ZFYVE27: variants seen among roughly 807,000 people sequenced by gnomAD.
The protein encoded by ZFYVE27 is protrudin.
A neutral mutation model predicts 52.8 loss-of-function variants in ZFYVE27; 36 were observed. The ratio of observed to expected loss-of-function variants is 0.68; its 90% confidence interval spans 0.52 to 0.90. The LOEUF (loss-of-function observed/expected upper bound fraction) is 0.90. Among genes scored for constraint, ZFYVE27 ranks in the 40% least tolerant of loss-of-function variants. The pLI is 0.00. For missense variants in ZFYVE27, 450 were observed against 527.2 expected (o/e 0.85, Z 1.43); for synonymous variants, 223 against 215.6 (o/e 1.03, Z -0.30).
At chr10:97,742,403 T>TTGG (rs1269858777) in intron 2 of ZFYVE27, among the ~76,000 whole-genome samples, 3 of 152,086 alleles carry the variant, frequency 2.0e-5, no homozygotes, top group East Asian at 1.9e-4. Context: ...GCATTGCCAT[T>TTGG]TGGTGGTGGT....
rs147262783 is a variant in ZFYVE27 at position 97,754,606 on chromosome 10, C to T, written c.1042+1424C>T. 339 of 1,264,894 alleles carry T rather than the reference C, an allele frequency of 2.7e-4. 2 individuals are homozygous for T. In the African/African-American group the frequency reaches 3.0e-3, roughly 11 times the overall value. The allele number at this position is 1,264,894 out of a possible 1,614,324, so 78.4% of individuals were successfully genotyped here. ...TTAGGATTACAAGTGTGAGCCACCA[C>T]GCCCGGCCCCTTTGTTTTATTTATG... On this transcript the variant is annotated intron_variant, in intron 10 of 12. Coordinates refer to ENST00000684270, the MANE Select transcript of ZFYVE27 (RefSeq NM_001385875.1).
rs2045587057 is a variant in ZFYVE27 at position 97,746,878 on chromosome 10, A to G, written c.456-1391A>G. ...TAATTAAAACAATTTTTTTGTAGAG[A>G]TAGGGTCTCATTGTCTTGCCCAGGC... On this transcript the variant is annotated intron_variant, in intron 4 of 12. Coordinates refer to ENST00000684270, the MANE Select transcript of ZFYVE27 (RefSeq NM_001385875.1). Among the ~76,000 whole-genome samples, 5 of 151,818 alleles carry G rather than the reference A, an allele frequency of 3.3e-5. No homozygotes were observed. In the South Asian group the frequency reaches 1.0e-3, roughly 32 times the overall value.
intron 6 of ZFYVE27, chr10:97,750,106 T>C (rs2046533987): frequency 1.7e-6 from 1 of 572,824 alleles, no homozygotes; most frequent in South Asian, 2.0e-5. Context: ...CCATGATTTA[T>C]TGAGCATTTA....
chr10:97,745,174 C>CTT (rs879470822), intron 4 of ZFYVE27, among the ~76,000 whole-genome samples: 1 of 151,258 alleles, frequency 6.6e-6, no homozygotes, highest in African/African-American at 2.4e-5. Flanking sequence ...AGCTTCTGTT[C>CTT]TTTCTTTCTT....
Position 97,743,122 on chromosome 10 carries a change from A to T in ZFYVE27, c.226A>T (p.Thr76Ser), listed in dbSNP as rs768754948. 2 of 1,614,168 alleles carry T rather than the reference A, an allele frequency of 1.2e-6. No homozygotes were observed. The highest frequency in any genetic ancestry group is 2.2e-5 in the South Asian group (2 of 91,080). ...GCAGATGCCTTTGTGTTCCTTGCTG[A>T]CCTGCCTGGGCCTCAACGTCTTGTT... ...RWQMPLCSLL[T>S]CLGLNVLFLT... Residue 76 changes from threonine to serine, a missense_variant, in exon 3 of 13, where the codon ACC becomes TCC. Thr to Ser is a moderately conservative substitution (Grantham distance 58). Coordinates refer to ENST00000684270, the MANE Select transcript of ZFYVE27 (RefSeq NM_001385875.1).
chr10:97,751,243 G>A (rs1395136078), intron 7 of ZFYVE27, 148 bp from the exon 8 acceptor site: 7 of 836,242 alleles, frequency 8.4e-6, no homozygotes, highest in African/African-American at 3.4e-5. Flanking sequence ...GCTAGAGGTT[G>A]CTCCTTCCTG....
At chr10:97,749,632 G>GGGCTAGGCTAGGCTAGGCTA (rs750289029) in intron 6 of ZFYVE27, 46 bp downstream of exon 6, 1 of 1,519,362 alleles carries the variant, frequency 6.6e-7, no homozygotes, top group Non-Finnish European at 9.1e-7. Context: ...CTGGCTCTGA[G>GGGCTAGGCTAGGCTAGGCTA]GGCTAGGCTA....
Position 97,738,904 on chromosome 10 carries a change from C to T in ZFYVE27, c.197+230C>T, listed in dbSNP as rs570666481. ...GATCCTGCCTTTCAGCAAGGTTCTT[C>T]TTTGTGACTGAATAAGCTCCTTCCT... On this transcript the variant is annotated intron_variant, in intron 2 of 12. Transcript: ENST00000684270. 9 of 563,790 alleles carry T rather than the reference C, an allele frequency of 1.6e-5. No individual in the cohort carries two copies. In the African/African-American group the frequency reaches 1.7e-4, roughly 11 times the overall value. The allele number at this position is 563,790 out of a possible 1,614,324, so 34.9% of individuals were successfully genotyped here.
Position 97,751,102 on chromosome 10 carries a change from G to A in ZFYVE27, c.805-289G>A, listed in dbSNP as rs114252537. On this transcript the variant is annotated intron_variant, in intron 7 of 12. Transcript: ENST00000684270. ...GGAAGAGAAGGCTGAGGCACAGAGT[G>A]GCTGGTAAGTGGCAGGGCTGGGTCT... Among the ~76,000 whole-genome samples the A allele has an allele frequency of 6.7e-3, 1,016 of 152,286 alleles. 8 individuals are homozygous for A. The highest frequency in any genetic ancestry group is 0.022 in the African/African-American group (905 of 41,568).
chr10:97,749,123 G>A (rs1310274153), intron 5 of ZFYVE27, among the ~76,000 whole-genome samples: 2 of 152,174 alleles, frequency 1.3e-5, no homozygotes, highest in African/African-American at 4.8e-5. Flanking sequence ...GCTGTGCCCA[G>A]AGAACCAAGA....
At chr10:97,750,569 C>A in intron 7 of ZFYVE27, 99 bp downstream of exon 7, 1 of 1,530,250 alleles carries the variant, frequency 6.5e-7, no homozygotes. Context: ...GTTGTAGTTC[C>A]TGCTATTTCC....
Position 97,737,990 on chromosome 10 carries a change from A to T in ZFYVE27, c.-1-487A>T, listed in dbSNP as rs140615779. On this transcript the variant is annotated intron_variant, in intron 1 of 12. Coordinates refer to ENST00000684270, the MANE Select transcript of ZFYVE27 (RefSeq NM_001385875.1). The stretch of plus-strand genomic sequence containing the variant: ...GTTAAGAGCAGGGAGTTTTACTTTG[A>T]CGTGGTCAGTGCTCTGCACTTGATC... Among the ~76,000 whole-genome samples the T allele has an allele frequency of 2.4e-3, 364 of 152,314 alleles. 2 individuals are homozygous for T. The highest frequency in any genetic ancestry group is 8.2e-3 in the African/African-American group (342 of 41,568).
At chr10:97,740,941 A>C (rs939790989) in intron 2 of ZFYVE27, among the ~76,000 whole-genome samples, 13 of 152,274 alleles carry the variant, frequency 8.5e-5, no homozygotes, top group African/African-American at 3.1e-4. Flanking sequence ...AGAAGGGAAG[A>C]GGCTTTAAAA....
Position 97,751,364 on chromosome 10 carries a change from C to T in ZFYVE27, c.805-27C>T. The T allele has an allele frequency of 6.2e-7, 1 of 1,612,904 alleles. No individual in the cohort carries two copies. The highest frequency in any genetic ancestry group is 8.5e-7 in the Non-Finnish European group (1 of 1,179,194). ...AGGGAGCAGCGCTGCCATCCTTCTCCTTCTGTCATAGAGTCTCTCTTCCCA... is the reference window on the plus strand; with the variant it reads ...AGGGAGCAGCGCTGCCATCCTTCTCTTTCTGTCATAGAGTCTCTCTTCCCA... On this transcript the variant is annotated intron_variant, in intron 7 of 12. Coordinates refer to ENST00000684270, the MANE Select transcript of ZFYVE27 (RefSeq NM_001385875.1).
At chr10:97,746,966 C>CA (rs2045611154) in intron 4 of ZFYVE27, among the ~76,000 whole-genome samples, 1 of 152,210 alleles carries the variant, frequency 6.6e-6, no homozygotes, top group African/African-American at 2.4e-5. Flanking sequence ...GCTGGGACTA[C>CA]AGGTGTGAGC....
intron 12 of ZFYVE27, 93 bp downstream of exon 12, chr10:97,757,816 G>T: frequency 7.5e-7 from 1 of 1,334,500 alleles, no homozygotes; most frequent in South Asian, 1.2e-5. Context: ...GAGGTCAAGG[G>T]AACTTGGGAT....
intron 5 of ZFYVE27, among the ~76,000 whole-genome samples, chr10:97,749,122 A>C (rs1369140188): frequency 1.3e-5 from 2 of 152,200 alleles, no homozygotes; most frequent in African/African-American, 4.8e-5. Context: ...AGCTGTGCCC[A>C]GAGAACCAAG....
At chr10:97,755,790 G>A (rs1293380579) in intron 10 of ZFYVE27, among the ~76,000 whole-genome samples, 1 of 152,200 alleles carries the variant, frequency 6.6e-6, no homozygotes, top group Non-Finnish European at 1.5e-5. Context: ...CTTTGTCCTG[G>A]AGGCTCCATG....
At position 97,752,985 on chromosome 10, in the gene ZFYVE27, G is replaced by C; in HGVS notation, c.898-53G>C. On this transcript the variant is annotated intron_variant, in intron 9 of 12. Coordinates refer to ENST00000684270, the MANE Select transcript of ZFYVE27 (RefSeq NM_001385875.1). ...GCCGCGCAGGATGCCTCTGCACACGGGTCCTGCAGCCTTGCAAGAGGTGGG... is the reference window on the plus strand; with the variant it reads ...GCCGCGCAGGATGCCTCTGCACACGCGTCCTGCAGCCTTGCAAGAGGTGGG... 1.9e-6 allele frequency: 3 copies of C among 1,613,004 alleles called. No individual in the cohort carries two copies. The South Asian group carries it at 3.3e-5, about 18-fold the overall frequency.
Sources: allele counts gnomAD v4.1 joint callset (sites outside exome capture counted in the v4.1 genomes callset), GRCh38; gene constraint gnomAD v4.1.1; transcripts MANE v1.5; gene names NCBI Gene and HGNC (gene_info 2026-07-23, HGNC 2026-07-21).